The following CNGA3 variants were observed in gnomAD, a reference collection of about 807,000 sequenced individuals.
CNGA3 encodes the protein cyclic nucleotide gated channel subunit alpha 3.
Under a neutral mutation model 46.6 loss-of-function variants are expected in CNGA3, and 42 were observed. That is an observed-to-expected ratio of 0.90 (90% CI 0.70 to 1.17). CNGA3 has a LOEUF of 1.17. CNGA3 is among the 50% of genes most tolerant of loss of function. The pLI is 0.00. For missense variants in CNGA3, 893 were observed against 890.7 expected, an observed-to-expected ratio of 1.00 and a Z score of -0.03; for synonymous variants, 394 against 369.4, an observed-to-expected ratio of 1.07 and a Z score of -0.76.
chr2:98,380,074 G>A, intron 3 of CNGA3, 101 bp from the exon 4 acceptor site: 8 of 1,376,884 alleles, frequency 5.8e-6, no homozygotes, highest in Non-Finnish European at 8.1e-6. Context: ...CCTTGAGACA[G>A]ACAGAGAGGG....
Position 98,380,186 on chromosome 2 carries a change from T to A in CNGA3, c.227T>A (p.Leu76His). Residue 76 changes from leucine (L) to histidine (H), a missense_variant, in exon 4 of 8, where the codon CTC (leucine) becomes CAC (histidine). By Grantham distance (99) the Leu-to-His change is moderately conservative (BLOSUM62 -3). Around this residue, in one of 3 missense-constraint regions of CNGA3, gnomAD observed 333 missense variants for 290.8 expected, o/e 1.15. Coordinates refer to ENST00000272602, the MANE Select transcript of CNGA3 (RefSeq NM_001298.3). Reference protein sequence around the residue: ...TGQGIARLSRLIFLLRRWAAR... With the variant: ...TGQGIARLSRHIFLLRRWAAR... Reference sequence around the variant, plus strand: ...GTGTCACCTTCCAGGCTGTCGCGCCTCATCTTCTTGCTGCGCAGGTGGGCT... The same window carrying A: ...GTGTCACCTTCCAGGCTGTCGCGCCACATCTTCTTGCTGCGCAGGTGGGCT... 1 of 1,614,160 alleles carries A rather than the reference T, an allele frequency of 6.2e-7. No individual in the cohort carries two copies. The highest frequency in any genetic ancestry group is 1.1e-5 in the South Asian group (1 of 91,078).
At chr2:98,359,712 T>C (rs1480899400) in intron 1 of CNGA3, among the ~76,000 whole-genome samples, 2 of 152,168 alleles carry the variant, frequency 1.3e-5, no homozygotes, top group African/African-American at 2.4e-5. Flanking sequence ...CAGGAGGCCC[T>C]GCACACCTGT....
intron 2 of CNGA3, among the ~76,000 whole-genome samples, chr2:98,374,440 G>T (rs1692359789): frequency 6.6e-6 from 1 of 152,150 alleles, no homozygotes; most frequent in Non-Finnish European, 1.5e-5. Context: ...GGGTTGTCCT[G>T]GCCTGGTCTG....
chr2:98,370,367 G>A lies in CNGA3; in HGVS notation c.101+291G>A, dbSNP rs1176961952. On this transcript the variant is annotated intron_variant, in intron 2 of 7. Coordinates refer to ENST00000272602, the MANE Select transcript of CNGA3 (RefSeq NM_001298.3). ...CAAATGCAGCAGACTAAATTTTACT[G>A]TAAGAACTTCCTCAAACTGACACAC... is the stretch of plus-strand genomic sequence containing the variant. 3.9e-5 allele frequency among the ~76,000 whole-genome samples: 6 copies of A among 152,192 alleles called. No individual in the cohort carries two copies. In the East Asian group the frequency reaches 1.2e-3, roughly 29 times the overall value.
At chr2:98,385,695 G>T (rs1040954235) in intron 5 of CNGA3, among the ~76,000 whole-genome samples, 1 of 152,168 alleles carries the variant, frequency 6.6e-6, no homozygotes, top group African/African-American at 2.4e-5. Flanking sequence ...AGAAAGAAAT[G>T]CCTGAGACTC....
At chr2:98,372,478 GTGAGAAAAGGTCCTCCCT>G (rs1172931620) in intron 2 of CNGA3, among the ~76,000 whole-genome samples, 1 of 152,116 alleles carries the variant, frequency 6.6e-6, no homozygotes, top group Non-Finnish European at 1.5e-5. Flanking sequence ...GTCTGCATGG[GTGAGAAAAGGTCCTCCCT>G]TCTCCTTCCT....
At chr2:98,355,634 A>G (rs1330312914) in intron 1 of CNGA3, among the ~76,000 whole-genome samples, 1 of 152,230 alleles carries the variant, frequency 6.6e-6, no homozygotes, top group Admixed American at 6.5e-5. Flanking sequence ...ACTTTAATAT[A>G]TTGACTATCA....
At chr2:98,348,982 A>G (rs1691710423) in intron 1 of CNGA3, among the ~76,000 whole-genome samples, 1 of 152,178 alleles carries the variant, frequency 6.6e-6, no homozygotes, top group African/African-American at 2.4e-5. Context: ...CTTGAAATCA[A>G]CTGGCCAGCA....
In CNGA3 at chr2:98,370,123, C is replaced by A. The variant is rs757188855; in HGVS notation, c.101+47C>A. 7.7e-6 allele frequency: 11 copies of A among 1,432,618 alleles called. No homozygotes were observed. The South Asian group carries it at 1.1e-4, about 14-fold the overall frequency. The allele number at this position is 1,432,618 out of a possible 1,614,324, so 88.7% of individuals were successfully genotyped here. ...TTTTCATTTTATGCCTGGCTCTGGT[C>A]ATTTCCACAGCTGATCTAGACTGTG... is the stretch of plus-strand genomic sequence containing the variant. On this transcript the variant is annotated intron_variant, in intron 2 of 7. Transcript: ENST00000272602.
At chr2:98,370,151 G>A in intron 2 of CNGA3, 75 bp downstream of exon 2, 1 of 1,240,886 alleles carries the variant, frequency 8.1e-7, no homozygotes, top group South Asian at 1.3e-5. Flanking sequence ...AGACTGTGGG[G>A]GAAGAATGCC....
chr2:98,383,947 C>T (rs1692592671), intron 5 of CNGA3, among the ~76,000 whole-genome samples: 2 of 152,098 alleles, frequency 1.3e-5, no homozygotes, highest in African/African-American at 2.4e-5. Flanking sequence ...AGTGCAGTGG[C>T]GCCATCTTGA....
chr2:98,348,235 G>T (rs1691689430), intron 1 of CNGA3, among the ~76,000 whole-genome samples: 1 of 152,068 alleles, frequency 6.6e-6, no homozygotes, highest in South Asian at 2.1e-4. Flanking sequence ...GCCCGGAGGG[G>T]AGGAGCGGTG....
In CNGA3 at chr2:98,397,683, G is replaced by A. The variant is rs1182573284; in HGVS notation, c.*428G>A. 3.9e-6 allele frequency: 1 copy of A among 256,024 alleles called. No individual in the cohort carries two copies. The highest frequency in any genetic ancestry group is 2.3e-5 in the African/African-American group (1 of 44,410). 15.9% of individuals were successfully genotyped at this position (256,024 alleles called of 1,614,324 possible). On this transcript the variant is annotated 3_prime_UTR_variant, in exon 8 of 8. Transcript: ENST00000272602. The stretch of plus-strand genomic sequence containing the variant: ...CCACCTGATAATGGGTATATAACAG[G>A]AAGCTGAAGGTACAACATAGTGACT...
At chr2:98,367,228 C>T (rs1023312959) in intron 1 of CNGA3, among the ~76,000 whole-genome samples, 21 of 141,122 alleles carry the variant, frequency 1.5e-4, no homozygotes, top group Non-Finnish European at 4.5e-5. Flanking sequence ...ACTGTGTCCC[C>T]CAGGCTGGAG....
intron 2 of CNGA3, among the ~76,000 whole-genome samples, chr2:98,376,976 C>A (rs1275886941): frequency 2.0e-5 from 3 of 152,194 alleles, no homozygotes; most frequent in African/African-American, 7.2e-5. Flanking sequence ...TCACACTTTC[C>A]ACAATGGGTT....
intron 2 of CNGA3, among the ~76,000 whole-genome samples, chr2:98,371,789 C>T (rs1692294000): frequency 6.6e-6 from 1 of 152,320 alleles, no homozygotes; most frequent in African/African-American, 2.4e-5. Context: ...TAGTTTATTT[C>T]CCATGTGTGA....
intron 4 of CNGA3, among the ~76,000 whole-genome samples, chr2:98,382,218 G>A (rs891521891): frequency 2.0e-5 from 3 of 152,150 alleles, no homozygotes; most frequent in African/African-American, 7.2e-5. Flanking sequence ...GAATTTTTCT[G>A]GAGGCAAAGT....
At chr2:98,384,011 C>G (rs1046989098) in intron 5 of CNGA3, among the ~76,000 whole-genome samples, 6 of 152,084 alleles carry the variant, frequency 3.9e-5, no homozygotes, top group African/African-American at 9.7e-5. Context: ...TTCAGCTTCC[C>G]GAGTAGCTGG....
At position 98,396,537 on chromosome 2, in the gene CNGA3, T is replaced by G. The variant is rs1010663867; in HGVS notation, c.1367T>G (p.Val456Gly). ...AAGAAGACGGTGGATGAGAAGGAGG[T>G]GCTCAAGAGCCTCCCAGACAAGCTG... Reference protein sequence around the residue: ...ANKKTVDEKEVLKSLPDKLKA... With the variant: ...ANKKTVDEKEGLKSLPDKLKA... The change falls in exon 8 of 8, where the codon GTG becomes GGG. Residue 456 changes from valine (V) to glycine (G), a missense_variant. Coordinates refer to ENST00000272602, the MANE Select transcript of CNGA3 (RefSeq NM_001298.3). 3 of 1,613,720 alleles carry G rather than the reference T, an allele frequency of 1.9e-6. No homozygotes were observed. Among genetic ancestry groups the G allele is most frequent in the Non-Finnish European group, 2.5e-6 (3 of 1,179,946 alleles).
Sources: gnomAD v4.1 joint callset for allele counts (sites outside exome capture counted in the v4.1 genomes callset) on GRCh38, gnomAD v4.1.1 for gene constraint, gnomAD v4.1.1 regional missense constraint, MANE v1.5 for transcripts, NCBI Gene and HGNC (gene_info 2026-07-23, HGNC 2026-07-21) for gene names.